The following PAK3 variants were observed in gnomAD, a reference collection of about 807,000 sequenced individuals.
PAK3 encodes the protein serine/threonine-protein kinase PAK 3.
Under a neutral mutation model 41.0 loss-of-function variants are expected in PAK3, and 4 were observed. The ratio of observed to expected loss-of-function variants is 0.10; its 90% CI spans 0.05 to 0.22. The LOEUF is 0.22. Among genes scored for constraint, PAK3 ranks in the 10% least tolerant of loss-of-function variants. The pLI is 1.00. For missense variants in PAK3, 205 were observed against 409.9 expected (o/e 0.50, Z 4.32); for synonymous variants, 146 against 139.6 (o/e 1.05, Z -0.32).
At chrX:111,102,022 T>A (rs553662416) in intron 3 of PAK3, among the ~76,000 whole-genome samples, 70 of 112,269 alleles carry the variant, frequency 6.2e-4, no homozygotes, top group African/African-American at 2.1e-3. Flanking sequence ...ATTAGGACCC[T>A]GTTCATTCTG....
chrX:111,152,098 G>T (rs1356817700), intron 7 of PAK3, among the ~76,000 whole-genome samples: 2 of 112,190 alleles, frequency 1.8e-5, no homozygotes, highest in Admixed American at 9.4e-5. Flanking sequence ...AGATAGGGGG[G>T]ACTACTATAG....
intron 1 of PAK3, among the ~76,000 whole-genome samples, chrX:111,084,803 C>T (rs2092866314): frequency 8.9e-6 from 1 of 112,261 alleles, no homozygotes; most frequent in African/African-American, 3.2e-5. Flanking sequence ...ACTATCCCTT[C>T]GCCAACTCAG....
intron 16 of PAK3, among the ~76,000 whole-genome samples, chrX:111,198,585 C>T (rs996628461): frequency 8.9e-6 from 1 of 111,865 alleles, no homozygotes; most frequent in East Asian, 2.8e-4. Flanking sequence ...AATAGGTAGT[C>T]CTTTCCCCAC....
At chrX:110,981,859 G>A (rs2091453047) in intron 1 of PAK3, among the ~76,000 whole-genome samples, 1 of 111,180 alleles carries the variant, frequency 9.0e-6, no homozygotes, top group Admixed American at 9.6e-5. Context: ...TTTGAAGTGG[G>A]AAAAAAGGGT....
chrX:111,171,264 G>A (rs780998814), intron 10 of PAK3, among the ~76,000 whole-genome samples: 1 of 111,436 alleles, frequency 9.0e-6, no homozygotes, highest in East Asian at 2.8e-4. Flanking sequence ...TGAAAATCTT[G>A]CCTTACCAAC....
intron 5 of PAK3, among the ~76,000 whole-genome samples, chrX:111,141,305 G>A (rs2093868071): frequency 9.0e-6 from 1 of 111,576 alleles, no homozygotes; most frequent in Admixed American, 9.5e-5. Context: ...TTATAATTAT[G>A]TAACTATGAA....
At chrX:111,184,390 G>A (rs1313411318) in intron 11 of PAK3, among the ~76,000 whole-genome samples, 2 of 109,165 alleles carry the variant, frequency 1.8e-5, no homozygotes, top group African/African-American at 6.7e-5. Context: ...ATAGTGCTGC[G>A]TGACACTGAC....
intron 1 of PAK3, among the ~76,000 whole-genome samples, chrX:111,005,168 C>G (rs1457175986): frequency 9.0e-6 from 1 of 111,661 alleles, no homozygotes; most frequent in African/African-American, 3.3e-5. Context: ...GACTAAATTC[C>G]CTCTAACAGA....
At chrX:111,052,690 A>T (rs1448181190) in intron 1 of PAK3, among the ~76,000 whole-genome samples, 1 of 112,595 alleles carries the variant, frequency 8.9e-6, no homozygotes, top group African/African-American at 3.2e-5. Flanking sequence ...CTAACCTCAG[A>T]ACCACATCTG....
chrX:111,201,477 A>G (rs985370624), intron 16 of PAK3, among the ~76,000 whole-genome samples: 4 of 111,946 alleles, frequency 3.6e-5, no homozygotes, highest in African/African-American at 1.3e-4. Flanking sequence ...GTGCCAGATT[A>G]GTCTTCTTTA....
intron 11 of PAK3, among the ~76,000 whole-genome samples, chrX:111,182,644 C>G (rs2094472733): frequency 9.0e-6 from 1 of 110,822 alleles, no homozygotes; most frequent in Admixed American, 9.7e-5. Flanking sequence ...GAACACATCT[C>G]TCAACAAAAC....
chrX:111,085,883 G>A (rs1161497596), intron 1 of PAK3, among the ~76,000 whole-genome samples: 1 of 112,141 alleles, frequency 8.9e-6, no homozygotes, highest in African/African-American at 3.2e-5. Context: ...GGAAGGAAAC[G>A]GGCAGTGACT....
At chrX:111,168,969 A>G (rs1374012065) in intron 10 of PAK3, among the ~76,000 whole-genome samples, 1 of 111,942 alleles carries the variant, frequency 8.9e-6, no homozygotes, top group Non-Finnish European at 1.9e-5. Context: ...GACAAGTTGA[A>G]AAATAAAAGA....
intron 1 of PAK3, among the ~76,000 whole-genome samples, chrX:111,017,274 A>G (rs867942484): frequency 8.1e-5 from 9 of 111,702 alleles, no homozygotes; most frequent in Middle Eastern, 4.6e-3. Flanking sequence ...ATAAAATAGA[A>G]TAAAATAGAG....
At position 110,967,336 on chromosome X, in the gene PAK3, T is replaced by C. The variant is rs964699367; in HGVS notation, c.-28+22708T>C. On this transcript the variant is annotated intron_variant, in intron 1 of 14. Transcript: ENST00000425146. The stretch of plus-strand genomic sequence containing the variant: ...GAGCTGGAGGGGGTTAGTGCTGAGG[T>C]GTCACGTGCAAGATTCTTGTTTTGG... 2.7e-5 allele frequency among the ~76,000 whole-genome samples: 3 copies of C among 112,095 alleles called. No homozygotes were observed. In the South Asian group the frequency reaches 1.1e-3, roughly 42 times the overall value.
chrX:111,005,359 G>C (rs1183918996), intron 1 of PAK3, among the ~76,000 whole-genome samples: 1 of 111,434 alleles, frequency 9.0e-6, no homozygotes, highest in Non-Finnish European at 1.9e-5. Flanking sequence ...CTTTCCCTTT[G>C]TCTGCTAAGG....
At chrX:110,966,704 G>T (rs1026320894) in intron 1 of PAK3, among the ~76,000 whole-genome samples, 6 of 110,655 alleles carry the variant, frequency 5.4e-5, no homozygotes, top group Non-Finnish European at 1.1e-4. Context: ...TTTGAAGTGT[G>T]TATGTACAAA....
At chrX:111,187,047 T>A (rs2094518120) in intron 11 of PAK3, among the ~76,000 whole-genome samples, 1 of 111,576 alleles carries the variant, frequency 9.0e-6, no homozygotes, top group African/African-American at 3.2e-5. Context: ...AAACCCTGGG[T>A]TATAAATAAT....
At chrX:111,008,967 C>T (rs2091972261) in intron 1 of PAK3, among the ~76,000 whole-genome samples, 1 of 110,709 alleles carries the variant, frequency 9.0e-6, no homozygotes, top group Non-Finnish European at 1.9e-5. Context: ...CAAGCCAGAG[C>T]CAGTGTCTGC....
Sources: allele counts gnomAD v4.1 joint callset (sites outside exome capture counted in the v4.1 genomes callset), GRCh38; gene constraint gnomAD v4.1.1; transcripts MANE v1.5; gene names NCBI Gene and HGNC (gene_info 2026-07-23, HGNC 2026-07-21).